Variants in MBNL1 observed in about 807,000 individuals in gnomAD.
The protein encoded by MBNL1 is muscleblind-like protein 1.
A neutral mutation model predicts 42.2 loss-of-function variants in MBNL1; 8 were observed. That is an observed-to-expected ratio of 0.19 (90% CI 0.11 to 0.34). The LOEUF is 0.34. MBNL1 is among the 10% of genes least tolerant of loss of function. The pLI is 1.00. For synonymous variants in MBNL1, 169 were observed against 173.9 expected, an observed-to-expected ratio of 0.97 and a Z score of 0.22; for missense variants, 309 against 495.3, an observed-to-expected ratio of 0.62 and a Z score of 3.57.
At chr3:152,266,399 G>A (rs1371000858), upstream of MBNL1, 1 of 152,046 alleles carries the variant, frequency 6.6e-6, no homozygotes, top group African/African-American at 2.4e-5. Flanking sequence ...TGTTGAAGTA[G>A]AAATATAATT....
intron 1 of MBNL1, among the ~76,000 whole-genome samples, chr3:152,282,636 T>C (rs933914861): frequency 6.6e-6 from 1 of 152,098 alleles, no homozygotes. Flanking sequence ...TTTTATTAGG[T>C]TTTGTTGCCA....
At chr3:152,402,809 T>C (rs73872404) in intron 2 of MBNL1, among the ~76,000 whole-genome samples, 205 of 152,306 alleles carry the variant, frequency 1.3e-3, no homozygotes, top group African/African-American at 4.9e-3. Flanking sequence ...TTGGACAGAA[T>C]ATCCTATATT....
chr3:152,297,867 G>A (rs1335146088), intron 1 of MBNL1, among the ~76,000 whole-genome samples: 1 of 151,964 alleles, frequency 6.6e-6, no homozygotes. Context: ...TGTTGGCCAG[G>A]CTGGTCTTGA....
intron 2 of MBNL1, among the ~76,000 whole-genome samples, chr3:152,253,938 C>G (rs773827925): frequency 1.5e-4 from 23 of 151,988 alleles, no homozygotes; most frequent in Non-Finnish European, 2.2e-4. Flanking sequence ...TTTCTTTATC[C>G]AATTATTTGT....
intron 2 of MBNL1, among the ~76,000 whole-genome samples, chr3:152,334,816 A>T (rs890033461): frequency 6.6e-6 from 1 of 152,206 alleles, no homozygotes. Flanking sequence ...TTTTAAGAGC[A>T]TGTTTTTCCA....
intron 2 of MBNL1, among the ~76,000 whole-genome samples, chr3:152,324,801 G>T (rs2078506282): frequency 1.3e-5 from 2 of 152,040 alleles, no homozygotes; most frequent in Admixed American, 6.6e-5. Context: ...GTAAGACGGG[G>T]ATGATAATAA....
At chr3:152,316,248 G>A (rs949552004) in intron 2 of MBNL1, among the ~76,000 whole-genome samples, 5 of 152,086 alleles carry the variant, frequency 3.3e-5, no homozygotes, top group Non-Finnish European at 2.9e-5. Context: ...TTAAACCTGC[G>A]GCCTCAAACT....
intron 2 of MBNL1, chr3:152,335,022 G>T (rs551228196): frequency 1.9e-5 from 22 of 1,168,538 alleles, no homozygotes; most frequent in Middle Eastern, 2.4e-4. Flanking sequence ...TAAATGGTCT[G>T]CTCCAGCTTC....
chr3:152,322,953 C>T lies in MBNL1; in HGVS notation c.174+22586C>T, dbSNP rs190628947. Among the ~76,000 whole-genome samples, 97 of 152,160 alleles carry T rather than the reference C, an allele frequency of 6.4e-4. 1 individual carries two copies. The East Asian group carries it at 0.017, about 27-fold the overall frequency. ...TATTGAGTCTATTTAAGCCAGGATA[C>T]TGTTAAGTAATAGACTGACGGTTTG... On this transcript the variant is annotated intron_variant, in intron 2 of 9. Coordinates refer to ENST00000324210, the MANE Select transcript of MBNL1 (RefSeq NM_021038.5).
chr3:152,260,050 C>A (rs1388511471), intron 2 of MBNL1, among the ~76,000 whole-genome samples: 1 of 152,064 alleles, frequency 6.6e-6, no homozygotes, highest in Admixed American at 6.6e-5. Context: ...GTTTTTCTTA[C>A]CATGTAGCCT....
chr3:152,334,151 T>A (rs2087535964), intron 2 of MBNL1, among the ~76,000 whole-genome samples: 2 of 152,222 alleles, frequency 1.3e-5, no homozygotes, highest in Admixed American at 6.5e-5. Context: ...CTTTTATACT[T>A]AGAATCTGCC....
chr3:152,310,919 T>G (rs2065997240), intron 2 of MBNL1, among the ~76,000 whole-genome samples: 1 of 150,802 alleles, frequency 6.6e-6, no homozygotes, highest in Admixed American at 6.6e-5. Context: ...ATTTCATAAC[T>G]TTTTTTTTGC....
intron 2 of MBNL1, among the ~76,000 whole-genome samples, chr3:152,409,278 A>G (rs1349756458): frequency 1.3e-5 from 2 of 152,158 alleles, no homozygotes; most frequent in African/African-American, 4.8e-5. Context: ...TAATTTTTAA[A>G]TAAATATTTT....
chr3:152,263,886 T>A (rs1430434379), upstream of MBNL1: 2 of 152,128 alleles, frequency 1.3e-5, no homozygotes, highest in African/African-American at 4.8e-5. Context: ...CTCCTTGAGG[T>A]TAGGTAGTTT....
chr3:152,259,210 A>G (rs1400401036), intron 2 of MBNL1, among the ~76,000 whole-genome samples: 2 of 152,230 alleles, frequency 1.3e-5, no homozygotes, highest in Non-Finnish European at 2.9e-5. Flanking sequence ...TTAAAGCTGT[A>G]GAAGGAAGAA....
chr3:152,384,015 G>A (rs1302945678), intron 2 of MBNL1, among the ~76,000 whole-genome samples: 1 of 152,088 alleles, frequency 6.6e-6, no homozygotes, highest in East Asian at 1.9e-4. Context: ...GCTTTGCAAT[G>A]TGTATTCGTT....
At chr3:152,431,067 A>G (rs2099000737) in intron 3 of MBNL1, among the ~76,000 whole-genome samples, 1 of 152,212 alleles carries the variant, frequency 6.6e-6, no homozygotes, top group African/African-American at 2.4e-5. Context: ...GCTAAATGCA[A>G]AGAGTTTGTT....
chr3:152,373,120 A>C (rs533679237), intron 2 of MBNL1, among the ~76,000 whole-genome samples: 2 of 152,194 alleles, frequency 1.3e-5, no homozygotes, highest in Non-Finnish European at 2.9e-5. Context: ...CACCTACTCA[A>C]GCCTCAGTAA....
intron 1 of MBNL1, among the ~76,000 whole-genome samples, chr3:152,280,011 A>G (rs1300902863): frequency 1.3e-5 from 2 of 152,168 alleles, no homozygotes; most frequent in African/African-American, 2.4e-5. Context: ...TGGCAAATAA[A>G]ATTATGTGAT....
Sources: gnomAD v4.1 joint callset for allele counts (sites outside exome capture counted in the v4.1 genomes callset) on GRCh38, gnomAD v4.1.1 for gene constraint, MANE v1.5 for transcripts, NCBI Gene and HGNC (gene_info 2026-07-23, HGNC 2026-07-21) for gene names.